The following GAS2 variants were observed in gnomAD, a reference collection of about 807,000 sequenced individuals.
The protein encoded by GAS2 is growth arrest specific 2.
In GAS2, 20 loss-of-function variants were observed where a neutral mutation model predicts 37.5. The observed-to-expected ratio is 0.53, with a 90% CI of 0.37 to 0.77. The LOEUF is 0.77. Ranked by LOEUF, GAS2 falls within the 30% of genes least tolerant of loss-of-function variation. The pLI, the probability that GAS2 is intolerant of heterozygous loss-of-function variation, is 0.00. For synonymous variants in GAS2, 144 were observed against 132.2 expected, an observed-to-expected ratio of 1.09 and a Z score of -0.61; for missense variants, 336 against 373.4, an observed-to-expected ratio of 0.90 and a Z score of 0.82.
intron 7 of GAS2, among the ~76,000 whole-genome samples, chr11:22,792,390 A>G (rs1856209392): frequency 6.6e-6 from 1 of 152,220 alleles, no homozygotes; most frequent in Non-Finnish European, 1.5e-5. Context: ...CATATGAAAG[A>G]CTTTAGGAAA....
Position 22,699,898 on chromosome 11 carries a change from A to G in GAS2, c.267+14109A>G, listed in dbSNP as rs149587974. On this transcript the variant is annotated intron_variant, in intron 3 of 7. Coordinates refer to ENST00000454584, the MANE Select transcript of GAS2 (RefSeq NM_001143830.3). ...GGACAGCCAACTTTCTGACTAGATC[A>G]TGGCTTCATACCTTGATTGCTCAGT... is the stretch of plus-strand genomic sequence containing the variant. Among the ~76,000 whole-genome samples the G allele has an allele frequency of 8.4e-3, 1,286 of 152,240 alleles. 15 individuals carry two copies. Among genetic ancestry groups the G allele is most frequent in the African/African-American group, 0.029 (1,210 of 41,558 alleles).
At chr11:22,650,419 A>G (rs1422417418) in intron 1 of GAS2, among the ~76,000 whole-genome samples, 1 of 151,968 alleles carries the variant, frequency 6.6e-6, no homozygotes, top group Non-Finnish European at 1.5e-5. Flanking sequence ...AGAGTTCTGT[A>G]GATGTCTATT....
At chr11:22,663,316 C>T (rs1031343940), upstream of GAS2, among the ~76,000 whole-genome samples, 1 of 151,934 alleles carries the variant, frequency 6.6e-6, no homozygotes, top group Non-Finnish European at 1.5e-5. Flanking sequence ...TGTGGTCCCA[C>T]CTACCGTGAC....
At chr11:22,805,898 G>A (rs1483403123) in intron 7 of GAS2, among the ~76,000 whole-genome samples, 1 of 152,076 alleles carries the variant, frequency 6.6e-6, no homozygotes, top group Non-Finnish European at 1.5e-5. Context: ...TGGCACTGGT[G>A]GGAGTGTCCA....
At chr11:22,679,837 A>ATG (rs1286588308) in intron 2 of GAS2, among the ~76,000 whole-genome samples, 2 of 152,024 alleles carry the variant, frequency 1.3e-5, no homozygotes, top group East Asian at 3.9e-4. Context: ...ATCATCAGAT[A>ATG]TATTAAAAAT....
At chr11:22,806,292 G>A (rs1403559965) in intron 7 of GAS2, among the ~76,000 whole-genome samples, 2 of 152,062 alleles carry the variant, frequency 1.3e-5, no homozygotes, top group African/African-American at 2.4e-5. Context: ...TCTGTATTAT[G>A]GCTGAGTAGT....
At chr11:22,635,952 A>G (rs573496470) in intron 1 of GAS2, among the ~76,000 whole-genome samples, 1 of 152,126 alleles carries the variant, frequency 6.6e-6, no homozygotes, top group Admixed American at 6.5e-5. Flanking sequence ...GTCTCTCACC[A>G]CTCACACTCT....
chr11:22,716,546 A>C (rs1047619649), intron 3 of GAS2, among the ~76,000 whole-genome samples: 1 of 151,928 alleles, frequency 6.6e-6, no homozygotes, highest in Non-Finnish European at 1.5e-5. Context: ...AGGCTGATGC[A>C]CGAGACTAGC....
chr11:22,685,997 A>C (rs1185266139), intron 3 of GAS2, among the ~76,000 whole-genome samples: 1 of 152,240 alleles, frequency 6.6e-6, no homozygotes. Flanking sequence ...GAATCTAATT[A>C]AATAAAAGCT....
intron 2 of GAS2, among the ~76,000 whole-genome samples, chr11:22,683,974 C>T (rs1008437981): frequency 5.9e-5 from 9 of 152,060 alleles, no homozygotes; most frequent in East Asian, 1.9e-4. Flanking sequence ...GTATGACATA[C>T]GGAAAACAGA....
chr11:22,659,649 A>T (rs2133843741), intron 1 of GAS2, among the ~76,000 whole-genome samples: 1 of 152,266 alleles, frequency 6.6e-6, no homozygotes, highest in South Asian at 2.1e-4. Flanking sequence ...TCTGGCTTGG[A>T]ATTAGGATAC....
intron 7 of GAS2, among the ~76,000 whole-genome samples, chr11:22,806,662 A>T (rs1476246924): frequency 2.0e-5 from 3 of 152,194 alleles, no homozygotes; most frequent in Admixed American, 6.6e-5. Flanking sequence ...TGAAACCTTC[A>T]AACAGCTTAG....
chr11:22,656,373 T>TA (rs1354780420), intron 1 of GAS2, among the ~76,000 whole-genome samples: 2 of 152,158 alleles, frequency 1.3e-5, no homozygotes, highest in Non-Finnish European at 2.9e-5. Context: ...GAGATCTGCC[T>TA]AAGGCACAGA....
intron 7 of GAS2, among the ~76,000 whole-genome samples, chr11:22,766,153 G>C (rs1331708100): frequency 1.3e-5 from 2 of 152,052 alleles, no homozygotes; most frequent in Non-Finnish European, 2.9e-5. Context: ...GACATGGGTA[G>C]GAGACAAATA....
chr11:22,649,580 T>A (rs1376084327), intron 1 of GAS2, among the ~76,000 whole-genome samples: 1 of 152,218 alleles, frequency 6.6e-6, no homozygotes, highest in Non-Finnish European at 1.5e-5. Flanking sequence ...TATTGATTAT[T>A]GCCACAATTT....
chr11:22,634,414 G>T (rs951277636), intron 1 of GAS2, among the ~76,000 whole-genome samples: 2 of 152,158 alleles, frequency 1.3e-5, no homozygotes, highest in African/African-American at 4.8e-5. Flanking sequence ...GTTCCTTCAT[G>T]AGCACCAGGG....
intron 1 of GAS2, among the ~76,000 whole-genome samples, chr11:22,659,269 T>C (rs1848890639): frequency 6.6e-6 from 1 of 152,216 alleles, no homozygotes; most frequent in African/African-American, 2.4e-5. Flanking sequence ...TATGTTCTTA[T>C]TCTGCATTTT....
In GAS2 at chr11:22,812,068, C is replaced by G; in HGVS notation, c.*52C>G. The stretch of plus-strand genomic sequence containing the variant: ...CTCATAATGGCCTGTATCCACTTCT[C>G]CAGTATAGTCAGTTTAGTTCATATG... On this transcript the variant is annotated 3_prime_UTR_variant, in exon 8 of 8. Coordinates refer to ENST00000454584, the MANE Select transcript of GAS2 (RefSeq NM_001143830.3). The G allele has an allele frequency of 7.7e-7, 1 of 1,300,414 alleles. No homozygotes were observed. 80.6% of individuals were successfully genotyped at this position (1,300,414 alleles called of 1,614,324 possible).
At chr11:22,637,828 T>C (rs1362411564) in intron 1 of GAS2, among the ~76,000 whole-genome samples, 3 of 148,720 alleles carry the variant, frequency 2.0e-5, no homozygotes, top group African/African-American at 4.9e-5. Flanking sequence ...ATTTTATATA[T>C]ATTTGAAGCC....
Sources: allele counts gnomAD v4.1 joint callset (sites outside exome capture counted in the v4.1 genomes callset), GRCh38; gene constraint gnomAD v4.1.1; transcripts MANE v1.5; gene names NCBI Gene and HGNC (gene_info 2026-07-23, HGNC 2026-07-21).